The following PTPN13 variants were observed in gnomAD, a reference collection of about 807,000 sequenced individuals.
The protein encoded by PTPN13 is protein tyrosine phosphatase non-receptor type 13, also known as tyrosine-protein phosphatase non-receptor type 13.
In PTPN13, 191 loss-of-function variants were observed where a neutral mutation model predicts 284.0. That is an observed-to-expected ratio of 0.67 (90% CI 0.60 to 0.76). The LOEUF (loss-of-function observed/expected upper bound fraction) is 0.76, where lower values mean the gene tolerates loss of function less well. Among genes scored for constraint, PTPN13 ranks in the 30% least tolerant of loss-of-function variants. The pLI is 0.00. For synonymous variants in PTPN13, 986 were observed against 1,022.3 expected (o/e 0.96, Z 0.68); for missense variants, 2,797 against 2,939.9 (o/e 0.95, Z 1.12).
At chr4:86,810,933 A>G (rs535915084) in intron 46 of PTPN13, 113 bp from the exon 47 acceptor site, 20 of 902,416 alleles carry the variant, frequency 2.2e-5, no homozygotes, top group Non-Finnish European at 3.1e-5. Context: ...GACTACCAGA[A>G]GGGGAAGAAG....
chr4:86,812,106 C>T (rs1029724632), intron 47 of PTPN13, among the ~76,000 whole-genome samples: 4 of 151,674 alleles, frequency 2.6e-5, no homozygotes, highest in South Asian at 2.1e-4. Context: ...GTCAGGAGAT[C>T]GAGACCATCC....
chr4:86,677,630 G>C (rs1221010931), intron 3 of PTPN13, among the ~76,000 whole-genome samples: 1 of 149,530 alleles, frequency 6.7e-6, no homozygotes, highest in East Asian at 2.0e-4. Flanking sequence ...TTAATCTTGT[G>C]TGGGTTTTTT....
chr4:86,644,309 T>G (rs1265002646), intron 2 of PTPN13, among the ~76,000 whole-genome samples: 3 of 152,018 alleles, frequency 2.0e-5, no homozygotes, highest in Non-Finnish European at 4.4e-5. Context: ...ATTTTTTTTG[T>G]GTGTATTTTT....
At chr4:86,727,077 G>T (rs1734355823) in intron 10 of PTPN13, among the ~76,000 whole-genome samples, 1 of 149,544 alleles carries the variant, frequency 6.7e-6, no homozygotes, top group East Asian at 1.9e-4. Flanking sequence ...TAATCATGTG[G>T]TTTTTGTAGT....
chr4:86,794,011 G>A lies in PTPN13; in HGVS notation c.6346-2863G>A, dbSNP rs555219305. Among the ~76,000 whole-genome samples, 46 of 152,268 alleles carry A rather than the reference G, an allele frequency of 3.0e-4. No homozygotes were observed. In the South Asian group the frequency reaches 8.9e-3, roughly 30 times the overall value. Reference sequence around the variant, plus strand: ...AAATAACTAAGATCAGAGCAGAACTGAAGGAGATAGAGACACAAAAAACCA... The same window carrying A: ...AAATAACTAAGATCAGAGCAGAACTAAAGGAGATAGAGACACAAAAAACCA... On this transcript the variant is annotated intron_variant, in intron 40 of 47. Transcript: ENST00000411767.
intron 31 of PTPN13, among the ~76,000 whole-genome samples, chr4:86,772,445 T>C (rs1740106246): frequency 6.6e-6 from 1 of 151,946 alleles, no homozygotes; most frequent in Non-Finnish European, 1.5e-5. Flanking sequence ...TCCCAGCTAC[T>C]TGGGTGGCTG....
chr4:86,627,544 T>C (rs1721980045), intron 1 of PTPN13, among the ~76,000 whole-genome samples: 1 of 151,872 alleles, frequency 6.6e-6, no homozygotes, highest in Non-Finnish European at 1.5e-5. Flanking sequence ...TATTGAGGCA[T>C]GTTTGACATA....
intron 1 of PTPN13, among the ~76,000 whole-genome samples, chr4:86,621,941 G>A (rs546253534): frequency 6.6e-6 from 1 of 151,702 alleles, no homozygotes. Flanking sequence ...CAAATGTGTC[G>A]AGTTCTGTCC....
intron 35 of PTPN13, among the ~76,000 whole-genome samples, chr4:86,776,138 G>T (rs983422202): frequency 2.0e-5 from 3 of 152,102 alleles, no homozygotes; most frequent in African/African-American, 7.2e-5. Flanking sequence ...TAGAGACGGG[G>T]TTTCACCATG....
At position 86,741,777 on chromosome 4, in the gene PTPN13, T is replaced by C. The variant is rs1736196879; in HGVS notation, c.2448T>C (p.Leu816=). 6.2e-7 allele frequency: 1 copy of C among 1,611,616 alleles called. No individual in the cohort carries two copies. Among genetic ancestry groups the C allele is most frequent in the African/African-American group, 1.3e-5 (1 of 74,940 alleles). Residue 816 remains leucine, a synonymous_variant, in exon 16 of 48, where the codon CTT becomes CTC. Coordinates refer to ENST00000411767, the MANE Select transcript of PTPN13 (RefSeq NM_080683.3). The part of the protein sequence containing the change: ...EVHNGVRTLV[L]RFPWRETKKI... ...ACAATGGAGTGCGCACATTGGTCCT[T>C]CGCTTTCCATGGAGGGAAACCAAGA...
rs770322060 is a variant in PTPN13, at chr4:86,702,218, G to A, written c.1195+417G>A. ...GCAGTTCATCAAAATCAGCAATGCCGGAGAAGCAGAATAGCATGGTTATGG... is the reference window on the plus strand; with the variant it reads ...GCAGTTCATCAAAATCAGCAATGCCAGAGAAGCAGAATAGCATGGTTATGG... On this transcript the variant is annotated intron_variant, in intron 7 of 47. Coordinates refer to ENST00000411767, the MANE Select transcript of PTPN13 (RefSeq NM_080683.3). Among the ~76,000 whole-genome samples the A allele has an allele frequency of 6.6e-5, 10 of 152,306 alleles. No individual in the cohort carries two copies. In the East Asian group the frequency reaches 7.7e-4, roughly 12 times the overall value.
In PTPN13 at chr4:86,807,804, A is replaced by G; in HGVS notation, c.6990A>G (p.Thr2330=). 5 of 1,614,026 alleles carry G rather than the reference A, an allele frequency of 3.1e-6. No individual in the cohort carries two copies. The highest frequency in any genetic ancestry group is 4.2e-6 in the Non-Finnish European group (5 of 1,179,900). ...ATTGGCCCAACATCCTAGGCAAAAC[A>G]ACAATGGTCAGCAACAGACTTCGAC... ...QRYWPNILGK[T]TMVSNRLRLA... is the part of the protein sequence containing the mutation. The change falls in exon 45 of 48, where the codon ACA becomes ACG. Residue 2330 remains threonine (T), a synonymous_variant. Coordinates refer to ENST00000411767, the MANE Select transcript of PTPN13 (RefSeq NM_080683.3).
At chr4:86,761,139 A>AATATGTATATAT (rs1738623733) in intron 23 of PTPN13, among the ~76,000 whole-genome samples, 2 of 120,694 alleles carry the variant, frequency 1.7e-5, no homozygotes, top group African/African-American at 6.3e-5. Context: ...TGTGTGTGTA[A>AATATGTATATAT]ATATATATAT....
intron 9 of PTPN13, among the ~76,000 whole-genome samples, chr4:86,721,877 C>T (rs1175475503): frequency 6.6e-6 from 1 of 151,650 alleles, no homozygotes; most frequent in African/African-American, 2.4e-5. Context: ...CCTGAGTAGC[C>T]AGGACTACAG....
chr4:86,692,197 T>C (rs1447263828), intron 5 of PTPN13, among the ~76,000 whole-genome samples: 1 of 152,182 alleles, frequency 6.6e-6, no homozygotes, highest in Non-Finnish European at 1.5e-5. Context: ...TAAACAACAG[T>C]TATTAATAGT....
intron 1 of PTPN13, among the ~76,000 whole-genome samples, chr4:86,597,693 C>T (rs1036315188): frequency 1.3e-5 from 2 of 152,178 alleles, no homozygotes; most frequent in Non-Finnish European, 2.9e-5. Context: ...CTATCCTGCC[C>T]AACCCTGTTC....
At chr4:86,728,769 C>A in intron 10 of PTPN13, among the ~76,000 whole-genome samples, 1 of 141,960 alleles carries the variant, frequency 7.0e-6, no homozygotes, top group Non-Finnish European at 1.6e-5. Context: ...GAATACAGCA[C>A]ACTGATGAGT....
chr4:86,800,742 G>C (rs1258395670), intron 42 of PTPN13, among the ~76,000 whole-genome samples: 1 of 151,900 alleles, frequency 6.6e-6, no homozygotes, highest in Non-Finnish European at 1.5e-5. Context: ...AAGGGAGGGA[G>C]GAAGGAAGTT....
At chr4:86,761,233 A>G (rs1323324375) in intron 23 of PTPN13, among the ~76,000 whole-genome samples, 5 of 149,856 alleles carry the variant, frequency 3.3e-5, no homozygotes. Context: ...ACCATTCTGT[A>G]ACTGCTTACT....
Sources: allele counts gnomAD v4.1 joint callset (sites outside exome capture counted in the v4.1 genomes callset), GRCh38; gene constraint gnomAD v4.1.1; transcripts MANE v1.5; gene names NCBI Gene and HGNC (gene_info 2026-07-23, HGNC 2026-07-21).